Variants in AFG2A observed in about 807,000 individuals in gnomAD.
AFG2A encodes AAA ATPase AFG2A, also known as ATPase family gene 2 protein homolog A.
chr4:122,948,387 TACACACACACACAC>T, the AFG2A span, among the ~76,000 whole-genome samples: 156 of 129,614 alleles, frequency 1.2e-3, no homozygotes, highest in African/African-American at 3.7e-3. Flanking sequence ...CTCCAGAGTA[TACACACACACACAC>T]ACACACACAC....
chr4:122,988,401 C>CTTT, the AFG2A span, among the ~76,000 whole-genome samples: 2 of 123,062 alleles, frequency 1.6e-5, no homozygotes, highest in African/African-American at 2.9e-5. Context: ...GTCATTCTTT[C>CTTT]TTTTTTTTTT....
the AFG2A span, among the ~76,000 whole-genome samples, chr4:123,274,468 C>A: frequency 1.3e-5 from 2 of 151,298 alleles, no homozygotes; most frequent in East Asian, 1.9e-4. Flanking sequence ...GAGTCCCAAG[C>A]TAGAGATAAA....
At chr4:123,021,777 G>A in the AFG2A span, among the ~76,000 whole-genome samples, 2,080 of 152,246 alleles carry the variant, frequency 0.014, 48 homozygotes, top group African/African-American at 0.047. Flanking sequence ...CCAGGAGAGG[G>A]GACCTCTATA....
the AFG2A span, among the ~76,000 whole-genome samples, chr4:123,268,564 C>T: frequency 6.6e-6 from 1 of 152,122 alleles, no homozygotes; most frequent in African/African-American, 2.4e-5. Flanking sequence ...ATTTGGAGTG[C>T]CACAAATTTA....
the AFG2A span, chr4:123,256,979 A>ATTAATATTTT: frequency 2.4e-6 from 1 of 417,574 alleles, no homozygotes; most frequent in Non-Finnish European, 3.2e-6. Context: ...TTAATGGGAG[A>ATTAATATTTT]TTAATATTTT....
At chr4:123,076,900 C>G in the AFG2A span, among the ~76,000 whole-genome samples, 1 of 150,966 alleles carries the variant, frequency 6.6e-6, no homozygotes, top group African/African-American at 2.4e-5. Context: ...TACTTGTTTT[C>G]TCTTTGGTGC....
At chr4:122,929,048 A>G in the AFG2A span, 1 of 1,613,606 alleles carries the variant, frequency 6.2e-7, no homozygotes, top group Non-Finnish European at 8.5e-7. Flanking sequence ...AGGTGTATAC[A>G]GCCTGGCCTA....
the AFG2A span, among the ~76,000 whole-genome samples, chr4:123,036,426 C>T: frequency 1.3e-5 from 2 of 151,948 alleles, no homozygotes; most frequent in Admixed American, 6.6e-5. Flanking sequence ...GCCTTTGGGA[C>T]AAAATGTTGA....
the AFG2A span, among the ~76,000 whole-genome samples, chr4:123,199,080 A>C: frequency 2.0e-5 from 3 of 152,264 alleles, no homozygotes; most frequent in East Asian, 5.8e-4. Context: ...ATCTAAGTCC[A>C]AGTGTACAGA....
At chr4:123,314,048 G>C in the AFG2A span, 1 of 1,593,128 alleles carries the variant, frequency 6.3e-7, no homozygotes, top group Non-Finnish European at 8.5e-7. Context: ...GAGAAGAGTG[G>C]GCTGCATACA....
chr4:123,257,136 G>A, the AFG2A span, among the ~76,000 whole-genome samples: 1 of 152,256 alleles, frequency 6.6e-6, no homozygotes, highest in East Asian at 1.9e-4. Context: ...GGTACTCCGA[G>A]AGTCTATTTG....
chr4:123,005,658 G>A, the AFG2A span, among the ~76,000 whole-genome samples: 6 of 151,990 alleles, frequency 3.9e-5, no homozygotes, highest in Non-Finnish European at 7.4e-5. Context: ...CTGCTTTAGC[G>A]GCATCACACA....
At chr4:123,198,357 A>G in the AFG2A span, among the ~76,000 whole-genome samples, 14 of 151,858 alleles carry the variant, frequency 9.2e-5, no homozygotes, top group Non-Finnish European at 1.8e-4. Flanking sequence ...AGCTTGTTCC[A>G]TATTGTGAAG....
chr4:122,983,659 C>A, the AFG2A span, among the ~76,000 whole-genome samples: 3 of 151,916 alleles, frequency 2.0e-5, no homozygotes, highest in Non-Finnish European at 4.4e-5. Flanking sequence ...TGATTATGGA[C>A]AGAAAAGATA....
chr4:123,204,326 A>G, the AFG2A span, among the ~76,000 whole-genome samples: 1 of 152,308 alleles, frequency 6.6e-6, no homozygotes, highest in Non-Finnish European at 1.5e-5. Context: ...CCAGAGTGGC[A>G]TGTGACTTTA....
the AFG2A span, among the ~76,000 whole-genome samples, chr4:123,169,414 A>G: frequency 6.6e-6 from 1 of 152,226 alleles, no homozygotes; most frequent in Non-Finnish European, 1.5e-5. Context: ...CCTAGGAAGG[A>G]TTAGTCCGAC....
the AFG2A span, among the ~76,000 whole-genome samples, chr4:123,174,662 C>G: frequency 6.6e-6 from 1 of 151,960 alleles, no homozygotes; most frequent in African/African-American, 2.4e-5. Context: ...TTAGTAGGTT[C>G]TTGAAGACTG....
chr4:122,986,964 G>A, the AFG2A span, among the ~76,000 whole-genome samples: 2 of 151,710 alleles, frequency 1.3e-5, no homozygotes, highest in African/African-American at 4.8e-5. Flanking sequence ...TACTCCCTTC[G>A]GTTCTTTTAA....
At chr4:123,235,436 G>T in the AFG2A span, among the ~76,000 whole-genome samples, 2 of 152,096 alleles carry the variant, frequency 1.3e-5, no homozygotes, top group Non-Finnish European at 2.9e-5. Flanking sequence ...TCTTCCAAAG[G>T]TGGTGTTAAC....
Sources: gnomAD v4.1 joint callset for allele counts (sites outside exome capture counted in the v4.1 genomes callset) on GRCh38, gnomAD v4.1.1 for gene constraint, MANE v1.5 for transcripts, NCBI Gene and HGNC (gene_info 2026-07-23, HGNC 2026-07-21) for gene names.